ARL6IP5: variants seen among roughly 807,000 people sequenced by gnomAD.
ARL6IP5 encodes the protein PRA1 family protein 3.
ARL6IP5 carries 6 observed loss-of-function variants against 13.0 expected under a neutral mutation model. The ratio of observed to expected loss-of-function variants is 0.46; its 90% CI spans 0.25 to 0.91. The LOEUF (loss-of-function observed/expected upper bound fraction) is 0.91, where lower values mean the gene tolerates loss of function less well. Among genes scored for constraint, ARL6IP5 ranks in the 40% least tolerant of loss-of-function variants. The pLI, the probability that ARL6IP5 is intolerant of heterozygous loss-of-function variation, is 0.17. For missense variants in ARL6IP5, 208 were observed against 248.8 expected, an observed-to-expected ratio of 0.84 and a Z score of 1.10; for synonymous variants, 91 against 91.9, an observed-to-expected ratio of 0.99 and a Z score of 0.06.
At chr3:69,089,263 T>G (rs1050242541) in intron 1 of ARL6IP5, among the ~76,000 whole-genome samples, 3 of 152,196 alleles carry the variant, frequency 2.0e-5, no homozygotes, top group Non-Finnish European at 2.9e-5. Context: ...TTTCTTTTTC[T>G]CTAACTTCCT....
intron 1 of ARL6IP5, among the ~76,000 whole-genome samples, chr3:69,089,120 C>G (rs952191112): frequency 6.6e-6 from 1 of 152,150 alleles, no homozygotes; most frequent in Non-Finnish European, 1.5e-5. Flanking sequence ...TTCATAGGTA[C>G]ATTAAAATCT....
At position 69,084,950 on chromosome 3, in the gene ARL6IP5, A is replaced by T; in HGVS notation, c.-98A>T. 2 of 1,482,518 alleles carry T rather than the reference A, an allele frequency of 1.3e-6. No individual in the cohort carries two copies. The highest frequency in any genetic ancestry group is 1.8e-6 in the Non-Finnish European group (2 of 1,102,046). 91.8% of individuals were successfully genotyped at this position (1,482,518 alleles called of 1,614,324 possible). On this transcript the variant is annotated 5_prime_UTR_variant, in exon 1 of 3. Transcript: ENST00000273258. The stretch of plus-strand genomic sequence containing the variant: ...TGTCTGCCAACCGCAAAGCCGACCG[A>T]GACGGAGCCGCTGTCAACTCTCCAA...
Position 69,105,051 on chromosome 3 carries a change from C to A in ARL6IP5, c.*415C>A, listed in dbSNP as rs2092318491. ...AAAGTAGATGACATCATGTGTTAGC[C>A]TGTTCCTAATCCCCTAGAATTGTAA... is the stretch of plus-strand genomic sequence containing the variant. On this transcript the variant is annotated 3_prime_UTR_variant, in exon 3 of 3. Coordinates refer to ENST00000273258, the MANE Select transcript of ARL6IP5 (RefSeq NM_006407.4). 1.7e-6 allele frequency: 1 copy of A among 595,520 alleles called. No individual in the cohort carries two copies. The highest frequency in any genetic ancestry group is 3.0e-6 in the Non-Finnish European group (1 of 338,008). 36.9% of individuals were successfully genotyped at this position (595,520 alleles called of 1,614,324 possible).
At chr3:69,103,050 A>G (rs1237468028) in intron 2 of ARL6IP5, among the ~76,000 whole-genome samples, 1 of 152,226 alleles carries the variant, frequency 6.6e-6, no homozygotes, top group Non-Finnish European at 1.5e-5. Flanking sequence ...ATTCCACTAA[A>G]TGAAATTATT....
At chr3:69,102,954 A>T (rs2092310800) in intron 2 of ARL6IP5, among the ~76,000 whole-genome samples, 1 of 152,236 alleles carries the variant, frequency 6.6e-6, no homozygotes, top group South Asian at 2.1e-4. Flanking sequence ...ATCCCAGCCT[A>T]ATCAGCAGAA....
Position 69,104,740 on chromosome 3 carries a change from C to A in ARL6IP5, c.*104C>A. The stretch of plus-strand genomic sequence containing the variant: ...TTTTTGAAACAGGAGGTGCACGTAC[C>A]ACCCAATTATCTATGGCAGCATGCA... On this transcript the variant is annotated 3_prime_UTR_variant, in exon 3 of 3. Coordinates refer to ENST00000273258, the MANE Select transcript of ARL6IP5 (RefSeq NM_006407.4). The A allele has an allele frequency of 7.9e-7, 1 of 1,259,302 alleles. No homozygotes were observed. The highest frequency in any genetic ancestry group is 2.0e-5 in the Admixed American group (1 of 49,740). 78.0% of individuals were successfully genotyped at this position (1,259,302 alleles called of 1,614,324 possible).
chr3:69,090,895 A>T (rs761627027), intron 1 of ARL6IP5, among the ~76,000 whole-genome samples: 5 of 152,206 alleles, frequency 3.3e-5, no homozygotes, highest in Non-Finnish European at 5.9e-5. Context: ...GTAACATTTT[A>T]ATCTCAAAAT....
chr3:69,084,945 G>T lies in ARL6IP5; in HGVS notation c.-103G>T. On this transcript the variant is annotated 5_prime_UTR_variant, in exon 1 of 3. Transcript: ENST00000273258. ...TCTGCTGTCTGCCAACCGCAAAGCC[G>T]ACCGAGACGGAGCCGCTGTCAACTC... 2 of 1,451,694 alleles carry T rather than the reference G, an allele frequency of 1.4e-6. No homozygotes were observed. Among genetic ancestry groups the T allele is most frequent in the South Asian group, 2.6e-5 (2 of 76,114 alleles). The allele number at this position is 1,451,694 out of a possible 1,614,324, so 89.9% of individuals were successfully genotyped here.
chr3:69,103,989 T>C (rs2092314284), intron 2 of ARL6IP5, among the ~76,000 whole-genome samples: 1 of 152,158 alleles, frequency 6.6e-6, no homozygotes, highest in Non-Finnish European at 1.5e-5. Flanking sequence ...CCCAACACTT[T>C]GGGTAAAGCC....
rs774792987 is a variant in ARL6IP5, at chr3:69,101,949, G to A, written c.287G>A (p.Arg96His). 69 of 1,613,936 alleles carry A rather than the reference G, an allele frequency of 4.3e-5. No individual in the cohort carries two copies. The highest frequency in any genetic ancestry group is 1.6e-4 in the Middle Eastern group (1 of 6,084). The change falls in exon 2 of 3, where the codon CGC (arginine) becomes CAC (histidine). Residue 96 changes from arginine to histidine, a missense_variant. By Grantham distance (29) the Arg-to-His change is conservative. Coordinates refer to ENST00000273258, the MANE Select transcript of ARL6IP5 (RefSeq NM_006407.4). ...GACGTCCTTCGCCGGATGAAGAAGC[G>A]CTACCCCACGACGTTCGTTATGGTG... ...NKDVLRRMKK[R>H]YPTTFVMVVM...
intron 1 of ARL6IP5, among the ~76,000 whole-genome samples, chr3:69,086,035 G>T (rs1055132678): frequency 2.6e-5 from 4 of 152,172 alleles, no homozygotes; most frequent in Admixed American, 2.6e-4. Context: ...GATGGGTGGT[G>T]ATATTCTCAA....
intron 1 of ARL6IP5, among the ~76,000 whole-genome samples, chr3:69,100,769 A>G (rs1270953138): frequency 6.6e-6 from 1 of 151,660 alleles, no homozygotes; most frequent in Non-Finnish European, 1.5e-5. Flanking sequence ...TGACAGAGCA[A>G]GACTCTGTCT....
At chr3:69,090,670 A>C (rs1299914672) in intron 1 of ARL6IP5, among the ~76,000 whole-genome samples, 2 of 152,156 alleles carry the variant, frequency 1.3e-5, no homozygotes, top group African/African-American at 2.4e-5. Flanking sequence ...CTTCTATTCC[A>C]TTGAACAAAT....
intron 1 of ARL6IP5, chr3:69,090,013 T>A (rs2092260043): frequency 2.8e-6 from 1 of 358,156 alleles, no homozygotes; most frequent in Admixed American, 3.7e-5. Flanking sequence ...AGCATTAATG[T>A]AATCTTTTCA....
Position 69,103,710 on chromosome 3 carries a change from G to A in ARL6IP5, c.395-754G>A, listed in dbSNP as rs75344969. Among the ~76,000 whole-genome samples, 329 of 152,258 alleles carry A rather than the reference G, an allele frequency of 2.2e-3. 6 individuals are homozygous for A. In the East Asian group the frequency reaches 0.055, roughly 25 times the overall value. The stretch of plus-strand genomic sequence containing the variant: ...TCAGTTGTAACAGTCTGAATTTGGG[G>A]TGATGGAGACCAGGAATTTGCCTAT... On this transcript the variant is annotated intron_variant, in intron 2 of 2. Coordinates refer to ENST00000273258, the MANE Select transcript of ARL6IP5 (RefSeq NM_006407.4).
At chr3:69,087,005 T>C (rs112432455) in intron 1 of ARL6IP5, among the ~76,000 whole-genome samples, 1 of 151,908 alleles carries the variant, frequency 6.6e-6, no homozygotes, top group East Asian at 1.9e-4. Flanking sequence ...GCCAAAAATT[T>C]CTTTTTAAAA....
At chr3:69,098,417 G>C (rs2092294056) in intron 1 of ARL6IP5, among the ~76,000 whole-genome samples, 1 of 151,896 alleles carries the variant, frequency 6.6e-6, no homozygotes. Flanking sequence ...CTAATTTTTT[G>C]TATTTTTAGT....
intron 1 of ARL6IP5, among the ~76,000 whole-genome samples, chr3:69,088,043 T>G (rs2092253412): frequency 6.6e-6 from 1 of 152,202 alleles, no homozygotes; most frequent in South Asian, 2.1e-4. Context: ...AACCCAATTT[T>G]AAAAAACTGT....
intron 2 of ARL6IP5, 63 bp from the exon 3 acceptor site, chr3:69,104,401 T>C: frequency 6.7e-7 from 1 of 1,498,380 alleles, no homozygotes. Context: ...AGAGGGAGTG[T>C]AATATTGATA....
Sources: gnomAD v4.1 joint callset for allele counts (sites outside exome capture counted in the v4.1 genomes callset) on GRCh38, gnomAD v4.1.1 for gene constraint, MANE v1.5 for transcripts, NCBI Gene and HGNC (gene_info 2026-07-23, HGNC 2026-07-21) for gene names.